FRMPD4: variants seen among roughly 807,000 people sequenced by gnomAD.
FRMPD4 encodes FERM and PDZ domain containing 4.
In FRMPD4, 22 loss-of-function variants were observed where a neutral mutation model predicts 94.1. The observed-to-expected ratio is 0.23, with a 90% CI of 0.17 to 0.33. FRMPD4 has a LOEUF of 0.33. FRMPD4 is among the 10% of genes least tolerant of loss of function. The pLI, the probability that FRMPD4 is intolerant of heterozygous loss-of-function variation, is 1.00. For synonymous variants in FRMPD4, 631 were observed against 548.6 expected, an observed-to-expected ratio of 1.15 and a Z score of -2.10; for missense variants, 1,111 against 1,339.9, an observed-to-expected ratio of 0.83 and a Z score of 2.67.
chrX:12,526,325 G>A (rs770041803), intron 2 of FRMPD4, among the ~76,000 whole-genome samples: 9 of 112,610 alleles, frequency 8.0e-5, no homozygotes, highest in Non-Finnish European at 1.3e-4. Context: ...AAGCACCTTC[G>A]GTACTGATGT....
At chrX:12,335,190 G>A (rs1051749093) in intron 1 of FRMPD4, among the ~76,000 whole-genome samples, 2 of 108,084 alleles carry the variant, frequency 1.9e-5, no homozygotes, top group Non-Finnish European at 3.8e-5. Context: ...CTAGAGTGCA[G>A]TGGTGCAATC....
chrX:12,675,978 C>T (rs1489270688), intron 5 of FRMPD4, among the ~76,000 whole-genome samples: 1 of 111,679 alleles, frequency 9.0e-6, no homozygotes, highest in Non-Finnish European at 1.9e-5. Context: ...CTGATAAGAC[C>T]ACAAATAGAA....
At chrX:11,924,891 C>T (rs534551286) in intron 3 of FRMPD4, among the ~76,000 whole-genome samples, 2 of 111,459 alleles carry the variant, frequency 1.8e-5, no homozygotes, top group African/African-American at 6.5e-5. Context: ...AGGATGGAAT[C>T]CACACATATC....
chrX:12,659,778 T>C (rs1602275574), intron 4 of FRMPD4, among the ~76,000 whole-genome samples: 1 of 112,455 alleles, frequency 8.9e-6, no homozygotes, highest in Non-Finnish European at 1.9e-5. Context: ...TTTTATACAT[T>C]TTAAATAGAA....
At chrX:12,009,166 G>A (rs1283622855) in intron 3 of FRMPD4, among the ~76,000 whole-genome samples, 1 of 112,088 alleles carries the variant, frequency 8.9e-6, no homozygotes, top group African/African-American at 3.2e-5. Flanking sequence ...ACACAAAAAG[G>A]AAACTAGTAA....
At chrX:12,719,372 C>T (rs1180162067) in intron 16 of FRMPD4, among the ~76,000 whole-genome samples, 1 of 112,150 alleles carries the variant, frequency 8.9e-6, no homozygotes, top group African/African-American at 3.2e-5. Context: ...GCTTTATTTT[C>T]CCCAAAATAA....
At chrX:11,864,400 T>A (rs1204107615) in intron 1 of FRMPD4, among the ~76,000 whole-genome samples, 1 of 109,214 alleles carries the variant, frequency 9.2e-6, no homozygotes, top group Non-Finnish European at 1.9e-5. Context: ...AGGGGATGCC[T>A]GAGCCCACAA....
At chrX:12,300,845 G>A (rs1384058343) in intron 1 of FRMPD4, among the ~76,000 whole-genome samples, 1 of 111,457 alleles carries the variant, frequency 9.0e-6, no homozygotes, top group Non-Finnish European at 1.9e-5. Flanking sequence ...GCTTTGACTT[G>A]GAATAGATGA....
chrX:12,003,438 A>G (rs2054534773), intron 3 of FRMPD4, among the ~76,000 whole-genome samples: 1 of 108,650 alleles, frequency 9.2e-6, no homozygotes, highest in African/African-American at 3.4e-5. Flanking sequence ...TTTTAAGACA[A>G]AGTCTTGTTC....
At chrX:12,187,795 A>C (rs1745895902) in intron 1 of FRMPD4, among the ~76,000 whole-genome samples, 1 of 111,912 alleles carries the variant, frequency 8.9e-6, no homozygotes, top group Non-Finnish European at 1.9e-5. Flanking sequence ...ATAGATACAC[A>C]TACATTTGTG....
intron 1 of FRMPD4, among the ~76,000 whole-genome samples, chrX:11,850,572 A>G (rs2053615285): frequency 8.9e-6 from 1 of 112,640 alleles, no homozygotes; most frequent in South Asian, 3.7e-4. Flanking sequence ...CCATGTGAAC[A>G]GATAAACAAG....
intron 3 of FRMPD4, among the ~76,000 whole-genome samples, chrX:12,096,796 A>T (rs981157026): frequency 1.6e-4 from 18 of 111,519 alleles, no homozygotes; most frequent in African/African-American, 5.5e-4. Flanking sequence ...CTGAGGCAGG[A>T]GTATTGCTCG....
At position 12,236,023 on chromosome X, in the gene FRMPD4, C is replaced by G. The variant is rs938934097; in HGVS notation, c.41+97011C>G. Among the ~76,000 whole-genome samples, 3 of 111,258 alleles carry G rather than the reference C, an allele frequency of 2.7e-5. No homozygotes were observed. The Admixed American group carries it at 2.9e-4, about 11-fold the overall frequency. On this transcript the variant is annotated intron_variant, in intron 1 of 16. Transcript: ENST00000675598. ...CTATCTCCCTCCACCTGTTCCTGTGCCAAGAGTTCAGGTGCTTTTCAAGAA... is the reference window on the plus strand; with the variant it reads ...CTATCTCCCTCCACCTGTTCCTGTGGCAAGAGTTCAGGTGCTTTTCAAGAA...
At chrX:12,308,358 A>G (rs2054976814) in intron 1 of FRMPD4, among the ~76,000 whole-genome samples, 1 of 111,958 alleles carries the variant, frequency 8.9e-6, no homozygotes, top group African/African-American at 3.2e-5. Flanking sequence ...CAGGGTCATT[A>G]TGACCAAAGA....
At chrX:11,916,549 G>A (rs1446330572) in intron 3 of FRMPD4, among the ~76,000 whole-genome samples, 1 of 111,027 alleles carries the variant, frequency 9.0e-6, no homozygotes, top group Non-Finnish European at 1.9e-5. Flanking sequence ...GGCAGAAAGA[G>A]GGGATTCAAA....
In FRMPD4 at chrX:12,723,387, AAC is replaced by A. The variant is rs1318204560; in HGVS notation, c.*1533_*1534del. On this transcript the variant is annotated 3_prime_UTR_variant, in exon 17 of 17. Transcript: ENST00000675598. ...TTGTAGCCTGCTGAGAAGGAGTCAT[AAC>A]ACAGTCCACAATTGCAATCTCTCTC... The A allele has an allele frequency of 1.8e-5, 2 of 111,634 alleles. No individual in the cohort carries two copies. The highest frequency in any genetic ancestry group is 3.8e-5 in the Non-Finnish European group (2 of 53,144). The allele number at this position is 111,634 out of a possible 1,213,427, so 9.2% of individuals were successfully genotyped here.
At chrX:12,122,318 G>T (rs752183578) in intron 3 of FRMPD4, among the ~76,000 whole-genome samples, 88 of 112,310 alleles carry the variant, frequency 7.8e-4, no homozygotes, top group Non-Finnish European at 1.4e-3. Flanking sequence ...GTGTTCCACT[G>T]CTAAGTGGGT....
intron 3 of FRMPD4, among the ~76,000 whole-genome samples, chrX:11,916,398 A>G (rs1447342653): frequency 6.3e-5 from 7 of 111,377 alleles, no homozygotes; most frequent in Admixed American, 5.8e-4. Flanking sequence ...ACATTGTGGA[A>G]GATGGATTTA....
chrX:12,513,989 G>A (rs1236725589), intron 2 of FRMPD4, among the ~76,000 whole-genome samples: 9 of 111,065 alleles, frequency 8.1e-5, no homozygotes, highest in African/African-American at 2.9e-4. Flanking sequence ...ATCGTGAATG[G>A]GACTTCATTC....
Sources: gnomAD v4.1 joint callset for allele counts (sites outside exome capture counted in the v4.1 genomes callset) on GRCh38, gnomAD v4.1.1 for gene constraint, MANE v1.5 for transcripts, NCBI Gene and HGNC (gene_info 2026-07-23, HGNC 2026-07-21) for gene names.